The following TBC1D5 variants were observed in gnomAD, a reference collection of about 807,000 sequenced individuals.
The protein encoded by TBC1D5 is TBC1 domain family member 5, also known as TBC1 domain family, member 5.
A neutral mutation model predicts 100.3 loss-of-function variants in TBC1D5; 75 were observed. The observed-to-expected ratio is 0.75, with a 90% confidence interval of 0.62 to 0.91. TBC1D5 has a LOEUF of 0.91. Among genes scored for constraint, TBC1D5 ranks in the 40% least tolerant of loss-of-function variants. The pLI, the probability that TBC1D5 is intolerant of heterozygous loss-of-function variation, is 0.00. For synonymous variants in TBC1D5, 323 were observed against 325.6 expected, an observed-to-expected ratio of 0.99 and a Z score of 0.09; for missense variants, 910 against 942.4, an observed-to-expected ratio of 0.97 and a Z score of 0.45.
chr3:17,188,614 A>C (rs181338218), intron 18 of TBC1D5, among the ~76,000 whole-genome samples: 13 of 152,326 alleles, frequency 8.5e-5, no homozygotes. Context: ...CAGACTTTAT[A>C]AATAGAAATG....
intron 1 of TBC1D5, among the ~76,000 whole-genome samples, chr3:17,688,210 T>A (rs2070605267): frequency 6.6e-6 from 1 of 152,036 alleles, no homozygotes; most frequent in African/African-American, 2.4e-5. Context: ...TCAATATACA[T>A]ATATACAAAT....
At chr3:17,538,351 C>T (rs956512131) in intron 2 of TBC1D5, among the ~76,000 whole-genome samples, 4 of 152,230 alleles carry the variant, frequency 2.6e-5, no homozygotes, top group Non-Finnish European at 1.5e-5. Flanking sequence ...GCCTCTTATA[C>T]GACCTTCCAA....
chr3:17,555,875 G>A (rs550530496), intron 2 of TBC1D5, among the ~76,000 whole-genome samples: 15 of 152,254 alleles, frequency 9.9e-5, no homozygotes, highest in East Asian at 9.7e-4. Context: ...AGCCATGACC[G>A]ACCTTTCCAT....
At chr3:17,612,902 T>A (rs1036095520) in intron 2 of TBC1D5, among the ~76,000 whole-genome samples, 2 of 151,318 alleles carry the variant, frequency 1.3e-5, no homozygotes, top group African/African-American at 2.4e-5. Flanking sequence ...TTTTTTTTTT[T>A]TTATTAAAGT....
chr3:17,683,581 A>G (rs1216392410), intron 1 of TBC1D5, among the ~76,000 whole-genome samples: 1 of 152,208 alleles, frequency 6.6e-6, no homozygotes, highest in Non-Finnish European at 1.5e-5. Flanking sequence ...TACTCTCTAA[A>G]AAAAGTAAAA....
intron 1 of TBC1D5, among the ~76,000 whole-genome samples, chr3:17,687,401 T>C (rs891298353): frequency 6.6e-6 from 1 of 152,132 alleles, no homozygotes; most frequent in Non-Finnish European, 1.5e-5. Context: ...CCTGTTATAT[T>C]ATCATATAGA....
At chr3:17,537,270 G>C (rs1287629955) in intron 2 of TBC1D5, among the ~76,000 whole-genome samples, 4 of 152,208 alleles carry the variant, frequency 2.6e-5, no homozygotes, top group Non-Finnish European at 5.9e-5. Context: ...GTTACTGTTT[G>C]TAGGATGTGG....
At chr3:17,204,045 T>G (rs1296236926) in intron 18 of TBC1D5, among the ~76,000 whole-genome samples, 2 of 152,212 alleles carry the variant, frequency 1.3e-5, no homozygotes, top group African/African-American at 4.8e-5. Flanking sequence ...ATGACAGAAC[T>G]AAAGCCATTC....
At chr3:17,258,530 C>T (rs768351572) in exon 16 of TBC1D5, 3 of 1,612,744 alleles carry the variant, frequency 1.9e-6, no homozygotes, top group African/African-American at 1.3e-5. Flanking sequence ...GAGGTCTGCT[C>T]CTCGTGCTTT....
At chr3:17,414,388 G>C (rs187638688) in intron 4 of TBC1D5, among the ~76,000 whole-genome samples, 1 of 152,178 alleles carries the variant, frequency 6.6e-6, no homozygotes, top group Admixed American at 6.5e-5. Context: ...GTAAATTTTT[G>C]AATCTGTTTC....
exon 22 of TBC1D5, chr3:17,160,739 TA>T: frequency 1.8e-6 from 1 of 555,174 alleles, no homozygotes; most frequent in Non-Finnish European, 3.1e-6. Flanking sequence ...GGGGATTAGG[TA>T]AGGGCCCAGA....
intron 1 of TBC1D5, among the ~76,000 whole-genome samples, chr3:17,718,490 G>C (rs1421417253): frequency 6.6e-6 from 1 of 152,060 alleles, no homozygotes; most frequent in Non-Finnish European, 1.5e-5. Flanking sequence ...CCAGCTACTC[G>C]GGAGGCTGAG....
At chr3:17,470,843 A>G (rs1384990270) in intron 3 of TBC1D5, among the ~76,000 whole-genome samples, 3 of 152,050 alleles carry the variant, frequency 2.0e-5, no homozygotes, top group African/African-American at 7.2e-5. Flanking sequence ...AATCATTTGA[A>G]CCTGGAGGCA....
chr3:17,620,167 C>A (rs910817398), intron 2 of TBC1D5, among the ~76,000 whole-genome samples: 3 of 152,214 alleles, frequency 2.0e-5, no homozygotes, highest in African/African-American at 7.2e-5. Flanking sequence ...GCAACAAAGT[C>A]TCACTCTGTC....
exon 6 of TBC1D5, chr3:17,404,893 C>A (rs1275515526): frequency 6.3e-7 from 1 of 1,596,720 alleles, no homozygotes; most frequent in Non-Finnish European, 8.5e-7. Flanking sequence ...TGTTGCTATA[C>A]CATGCTCTTA....
At chr3:17,637,522 T>C (rs1042941899) in intron 1 of TBC1D5, among the ~76,000 whole-genome samples, 1 of 151,972 alleles carries the variant, frequency 6.6e-6, no homozygotes, top group African/African-American at 2.4e-5. Context: ...TTTTATCTTA[T>C]ATAACAGACC....
intron 3 of TBC1D5, among the ~76,000 whole-genome samples, chr3:17,455,457 T>C (rs192218503): frequency 6.8e-6 from 1 of 147,186 alleles, no homozygotes; most frequent in African/African-American, 2.5e-5. Context: ...TATATGTGTG[T>C]GTATATATAT....
At chr3:17,617,417 A>AT (rs1447186391) in intron 2 of TBC1D5, among the ~76,000 whole-genome samples, 1 of 152,068 alleles carries the variant, frequency 6.6e-6, no homozygotes, top group African/African-American at 2.4e-5. Context: ...TGTTCTCTGT[A>AT]TTTCCTGAAT....
chr3:17,270,861 T>C (rs1286603043), intron 15 of TBC1D5, among the ~76,000 whole-genome samples: 1 of 152,180 alleles, frequency 6.6e-6, no homozygotes, highest in Non-Finnish European at 1.5e-5. Flanking sequence ...GCACCACTTA[T>C]TGAATAGAGA....
Sources: gnomAD v4.1 joint callset for allele counts (sites outside exome capture counted in the v4.1 genomes callset) on GRCh38, gnomAD v4.1.1 for gene constraint, MANE v1.5 for transcripts, NCBI Gene and HGNC (gene_info 2026-07-23, HGNC 2026-07-21) for gene names.